The following TRMT1 variants were observed in gnomAD, a reference collection of about 807,000 sequenced individuals.
TRMT1 encodes tRNA (guanine(26)-N(2))-dimethyltransferase.
In TRMT1, 63 loss-of-function variants were observed where a neutral mutation model predicts 75.4. The ratio of observed to expected loss-of-function variants is 0.84; its 90% CI spans 0.68 to 1.03. TRMT1 has a LOEUF of 1.03. TRMT1 is among the 50% of genes least tolerant of loss of function. The probability of loss-of-function intolerance (pLI) is 0.00; values close to 1 mark genes in which losing one functional copy is unlikely to be tolerated. For synonymous variants in TRMT1, 382 were observed against 358.1 expected, an observed-to-expected ratio of 1.07 and a Z score of -0.75; for missense variants, 870 against 905.3, an observed-to-expected ratio of 0.96 and a Z score of 0.50.
At chr19:13,115,192 A>G in intron 5 of TRMT1, 87 bp downstream of exon 5, 1 of 1,399,994 alleles carries the variant, frequency 7.1e-7, no homozygotes, top group South Asian at 1.4e-5. Context: ...TCACTCACTC[A>G]AGGTCACAGA....
rs1599969403 is a variant in TRMT1 at position 13,116,537 on chromosome 19, C to T, written c.-32-106G>A. On this transcript the variant is annotated intron_variant, in intron 1 of 16. Transcript: ENST00000357720. ...GGTAGGGACTAGGAAAACCTGCGGC[C>T]TCGGTAAGCTGATATCCCCTCGTTT... The T allele has an allele frequency of 4.1e-6, 5 of 1,212,684 alleles. No individual in the cohort carries two copies. In the East Asian group the frequency reaches 1.3e-4, roughly 31 times the overall value. 75.1% of individuals were successfully genotyped at this position (1,212,684 alleles called of 1,614,324 possible).
intron 7 of TRMT1, among the ~76,000 whole-genome samples, chr19:13,111,633 T>G (rs964055136): frequency 2.0e-5 from 3 of 150,180 alleles, no homozygotes; most frequent in African/African-American, 7.4e-5. Context: ...CCTGACCTCT[T>G]GAACACCGCC....
Position 13,115,482 on chromosome 19 carries a change from G to A in TRMT1, c.454-16C>T, listed in dbSNP as rs768222163. On this transcript the variant is annotated splice_polypyrimidine_tract_variant and intron_variant, in intron 4 of 16. Coordinates refer to ENST00000357720, the MANE Select transcript of TRMT1 (RefSeq NM_001136035.4). ...GCAGGCCTTCCTGTTGGAGTAAGCA[G>A]AAAACCTCCCTCACATCTCCACCTC... 3 of 1,608,112 alleles carry A rather than the reference G, an allele frequency of 1.9e-6. No individual in the cohort carries two copies. The highest frequency in any genetic ancestry group is 2.6e-6 in the Non-Finnish European group (3 of 1,176,438).
chr19:13,111,550 ATTTTTTTTTT>A (rs35140536), intron 7 of TRMT1, among the ~76,000 whole-genome samples: 27 of 124,542 alleles, frequency 2.2e-4, no homozygotes, highest in African/African-American at 8.3e-4. Flanking sequence ...CGCCCAGCTA[ATTTTTTTTTT>A]TTTTTTTTTG....
At chr19:13,111,188 C>T (rs958463942) in intron 7 of TRMT1, among the ~76,000 whole-genome samples, 2 of 151,986 alleles carry the variant, frequency 1.3e-5, no homozygotes, top group African/African-American at 4.8e-5. Context: ...GGACCACAGG[C>T]ATCCACCACC....
At position 13,109,435 on chromosome 19, in the gene TRMT1, A is replaced by G; in HGVS notation, c.1343T>C (p.Leu448Pro). 3 of 1,613,632 alleles carry G rather than the reference A, an allele frequency of 1.9e-6. No homozygotes were observed. Among genetic ancestry groups the G allele is most frequent in the Non-Finnish European group, 2.5e-6 (3 of 1,180,002 alleles). The change falls in exon 12 of 17, where the codon CTG (leucine) becomes CCG (proline). Residue 448 changes from leucine to proline, a missense_variant. Transcript: ENST00000357720. ...GTGGATGGTGCTGCTCAGCTGGTCC[A>G]GGGTGTAGTACAGAGGCACGTCCGG... ...ELPDVPLYYT[L>P]DQLSSTIHCN...
At position 13,107,558 on chromosome 19, in the gene TRMT1, A is replaced by C. The variant is rs774806163; in HGVS notation, c.1583+16T>G. 4.4e-6 allele frequency: 7 copies of C among 1,593,202 alleles called. No homozygotes were observed. In the African/African-American group the frequency reaches 8.1e-5, roughly 18 times the overall value. ...TGTGGGCAGCCCTGGCCGCTCCTGC[A>C]TGTGCTTGCCCCTACCTGGGCTCCA... On this transcript the variant is annotated intron_variant, in intron 14 of 16. Transcript: ENST00000357720.
In TRMT1 at chr19:13,105,322, T is replaced by C. The variant is rs151119204; in HGVS notation, c.1778A>G (p.Asp593Gly). ...LQNKRKEPPEDVAQRAARLKT... is the reference protein window; with the variant it reads ...LQNKRKEPPEGVAQRAARLKT... ...GAGCCGGGCAGCCCGCTGGGCCACA[T>C]CTTCCGGCGGCTCCTTCCGCTTGTT... is the stretch of plus-strand genomic sequence containing the variant. Residue 593 changes from aspartate to glycine, a missense_variant, in exon 16 of 17, where the codon GAT becomes GGT. Physicochemically the swap from Asp to Gly is moderately conservative, Grantham distance 94. Coordinates refer to ENST00000357720, the MANE Select transcript of TRMT1 (RefSeq NM_001136035.4). 2.7e-4 allele frequency: 436 copies of C among 1,614,046 alleles called. 6 individuals carry two copies. In the African/African-American group the frequency reaches 4.2e-3, roughly 16 times the overall value.
chr19:13,107,988 T>TG (rs2018961111), intron 12 of TRMT1, 129 bp from the exon 13 acceptor site: 1 of 253,078 alleles, frequency 4.0e-6, no homozygotes, highest in African/African-American at 3.9e-5. Context: ...TTCTTTTCTT[T>TG]TTTTTTTTTT....
intron 14 of TRMT1, among the ~76,000 whole-genome samples, chr19:13,106,244 G>A (rs1400485149): frequency 6.6e-6 from 1 of 150,590 alleles, no homozygotes; most frequent in East Asian, 2.0e-4. Flanking sequence ...AATTTTTTTA[G>A]TTTTCTGGTA....
rs1429428852 is a variant in TRMT1 at position 13,110,324 on chromosome 19, G to A, written c.871-18C>T. 5.4e-6 allele frequency: 4 copies of A among 736,330 alleles called. No individual in the cohort carries two copies. Among genetic ancestry groups the A allele is most frequent in the Non-Finnish European group, 9.5e-6 (4 of 422,054 alleles). 45.6% of individuals were successfully genotyped at this position (736,330 alleles called of 1,614,324 possible). ...CTCAGGGCCTGGGGGTGGGGGGTGG[G>A]TGTCAGCCTCCCCTCCACTATCCAC... On this transcript the variant is annotated intron_variant, in intron 7 of 16. Transcript: ENST00000357720.
At chr19:13,105,148 T>C (rs1191700406) in intron 16 of TRMT1, 67 bp from the exon 17 acceptor site, 2 of 1,547,596 alleles carry the variant, frequency 1.3e-6, no homozygotes, top group African/African-American at 1.4e-5. Flanking sequence ...GATCCTTTCC[T>C]GGGATGGGAA....
chr19:13,104,980 C>T lies in TRMT1; in HGVS notation c.1935G>A (p.Gln645=). ...AAPDCPETSN[Q]TPPGPGAAAG... is the part of the protein sequence containing the mutation. ...CGGCAGCCCCAGGTCCAGGGGGGGT[C>T]TGGTTGGAGGTCTCTGGACAGTCAG... The change falls in exon 17 of 17, where the codon CAG becomes CAA. Residue 645 remains glutamine, a synonymous_variant. Transcript: ENST00000357720. The T allele has an allele frequency of 6.2e-7, 1 of 1,613,836 alleles. No individual in the cohort carries two copies. Among genetic ancestry groups the T allele is most frequent in the Non-Finnish European group, 8.5e-7 (1 of 1,179,968 alleles).
At chr19:13,109,274 C>A in intron 12 of TRMT1, 107 bp downstream of exon 12, 1 of 1,299,526 alleles carries the variant, frequency 7.7e-7, no homozygotes, top group South Asian at 1.3e-5. Flanking sequence ...GACAGTGCAC[C>A]GGGTTCTCCC....
At position 13,116,555 on chromosome 19, in the gene TRMT1, C is replaced by T. The variant is rs1599969607; in HGVS notation, c.-33+98G>A. The T allele has an allele frequency of 1.3e-5, 14 of 1,067,822 alleles. No homozygotes were observed. In the East Asian group the frequency reaches 3.7e-4, roughly 28 times the overall value. 66.1% of individuals were successfully genotyped at this position (1,067,822 alleles called of 1,614,324 possible). ...CTGCGGCCTCGGTAAGCTGATATCC[C>T]CTCGTTTTGGGGATGACTGGTCCCT... is the stretch of plus-strand genomic sequence containing the variant. On this transcript the variant is annotated intron_variant, in intron 1 of 16. Transcript: ENST00000357720.
In TRMT1 at chr19:13,105,677, G is replaced by A. The variant is rs1331763563; in HGVS notation, c.1584-71C>T. On this transcript the variant is annotated intron_variant, in intron 14 of 16. Transcript: ENST00000357720. ...ACGAGTGTGTCCCCACTCCCCACAG[G>A]GCCTGTCCGCCTCCACAACACAGCA... 2.8e-6 allele frequency: 4 copies of A among 1,440,042 alleles called. No individual in the cohort carries two copies. In the South Asian group the frequency reaches 3.8e-5, roughly 14 times the overall value. 89.2% of individuals were successfully genotyped at this position (1,440,042 alleles called of 1,614,324 possible).
At chr19:13,109,488 G>C (rs776517080) in intron 11 of TRMT1, 22 bp from the exon 12 acceptor site, 1 of 1,614,054 alleles carries the variant, frequency 6.2e-7, no homozygotes, top group Non-Finnish European at 8.5e-7. Context: ...GACAGGATGG[G>C]CATGAGTGGA....
At position 13,115,242 on chromosome 19, in the gene TRMT1, C is replaced by T. The variant is rs1207070742; in HGVS notation, c.641+37G>A. On this transcript the variant is annotated intron_variant, in intron 5 of 16. Transcript: ENST00000357720. Reference sequence around the variant, plus strand: ...GAGCCAGAATTTGACCCCAGGCAGGCTTGTCCCAGAGCTAGGCTGTGATGC... The same window carrying T: ...GAGCCAGAATTTGACCCCAGGCAGGTTTGTCCCAGAGCTAGGCTGTGATGC... The T allele has an allele frequency of 3.2e-6, 5 of 1,570,748 alleles. No individual in the cohort carries two copies. The East Asian group carries it at 9.0e-5, about 28-fold the overall frequency.
intron 5 of TRMT1, 24 bp downstream of exon 5, chr19:13,115,255 T>C (rs1472963751): frequency 4.4e-6 from 7 of 1,594,524 alleles, no homozygotes; most frequent in Non-Finnish European, 6.0e-6. Flanking sequence ...GTCCCAGAGC[T>C]AGGCTGTGAT....
Sources: gnomAD v4.1 joint callset for allele counts (sites outside exome capture counted in the v4.1 genomes callset) on GRCh38, gnomAD v4.1.1 for gene constraint, MANE v1.5 for transcripts, NCBI Gene and HGNC (gene_info 2026-07-23, HGNC 2026-07-21) for gene names.